The following CNTNAP2 variants were observed in gnomAD, a reference collection of about 807,000 sequenced individuals.
CNTNAP2 encodes contactin-associated protein-like 2.
In CNTNAP2, 98 loss-of-function variants were observed where a neutral mutation model predicts 155.2. The observed-to-expected ratio is 0.63, with a 90% CI of 0.54 to 0.75. The LOEUF (loss-of-function observed/expected upper bound fraction) is 0.75. Ranked by LOEUF, CNTNAP2 falls within the 30% of genes least tolerant of loss-of-function variation. CNTNAP2 has a pLI of 0.00. For synonymous variants in CNTNAP2, 651 were observed against 631.2 expected, an observed-to-expected ratio of 1.03 and a Z score of -0.47; for missense variants, 1,727 against 1,688.1, an observed-to-expected ratio of 1.02 and a Z score of -0.40.
At chr7:146,474,307 T>C (rs1045537493) in intron 1 of CNTNAP2, among the ~76,000 whole-genome samples, 3 of 149,298 alleles carry the variant, frequency 2.0e-5, no homozygotes, top group African/African-American at 7.3e-5. Flanking sequence ...TATAAATATA[T>C]ATTTCATTTT....
At chr7:146,903,767 G>T (rs1329457277) in intron 3 of CNTNAP2, among the ~76,000 whole-genome samples, 1 of 152,164 alleles carries the variant, frequency 6.6e-6, no homozygotes, top group African/African-American at 2.4e-5. Context: ...CAAAGATTCA[G>T]CTAGACTGGG....
chr7:147,250,666 C>G (rs1485776631), intron 8 of CNTNAP2, among the ~76,000 whole-genome samples: 1 of 151,932 alleles, frequency 6.6e-6, no homozygotes, highest in African/African-American at 2.4e-5. Context: ...TGTGTCTGGC[C>G]TGAAGGTGAT....
At chr7:147,654,252 A>T (rs532994792) in intron 13 of CNTNAP2, among the ~76,000 whole-genome samples, 10 of 152,360 alleles carry the variant, frequency 6.6e-5, no homozygotes, top group Non-Finnish European at 1.5e-4. Flanking sequence ...CAAAAGGTAG[A>T]TTAATATAGT....
At chr7:147,268,491 T>C (rs1804667731) in intron 8 of CNTNAP2, among the ~76,000 whole-genome samples, 1 of 152,154 alleles carries the variant, frequency 6.6e-6, no homozygotes, top group South Asian at 2.1e-4. Context: ...GAGGGGAACA[T>C]CATACACCGG....
chr7:147,371,986 T>C lies in CNTNAP2; in HGVS notation c.1499-23623T>C, dbSNP rs187897234. Among the ~76,000 whole-genome samples the C allele has an allele frequency of 2.6e-5, 4 of 152,180 alleles. No individual in the cohort carries two copies. In the East Asian group the frequency reaches 7.7e-4, roughly 29 times the overall value. On this transcript the variant is annotated intron_variant, in intron 9 of 23. Coordinates refer to ENST00000361727, the MANE Select transcript of CNTNAP2 (RefSeq NM_014141.6). ...GTTTCACAGTAGAGTTTCCAGTAGA[T>C]GACAAGTACGGTAGCCACCACAAAG... is the stretch of plus-strand genomic sequence containing the variant.
chr7:147,252,719 T>G (rs1804226816), intron 8 of CNTNAP2, among the ~76,000 whole-genome samples: 1 of 152,232 alleles, frequency 6.6e-6, no homozygotes, highest in African/African-American at 2.4e-5. Context: ...GTAGATTGAT[T>G]TATTCTGTCA....
intron 3 of CNTNAP2, among the ~76,000 whole-genome samples, chr7:146,860,526 A>C (rs1366174074): frequency 6.6e-6 from 1 of 152,208 alleles, no homozygotes; most frequent in African/African-American, 2.4e-5. Context: ...CAGCCCCTGC[A>C]GTTCAATAAG....
chr7:148,050,115 G>A (rs1481445695), intron 15 of CNTNAP2, among the ~76,000 whole-genome samples: 4 of 152,110 alleles, frequency 2.6e-5, no homozygotes, highest in East Asian at 3.9e-4. Flanking sequence ...AGCCAAGATC[G>A]CGCCACTGCA....
At chr7:146,924,066 A>G (rs989756168) in intron 3 of CNTNAP2, among the ~76,000 whole-genome samples, 3 of 152,002 alleles carry the variant, frequency 2.0e-5, no homozygotes, top group Non-Finnish European at 4.4e-5. Flanking sequence ...TTCTTGGAAT[A>G]AATTATAGAA....
intron 4 of CNTNAP2, among the ~76,000 whole-genome samples, chr7:147,086,542 A>G (rs1388665642): frequency 6.6e-6 from 1 of 151,974 alleles, no homozygotes. Context: ...CTCAGTCAGT[A>G]ATCCCACCTC....
At chr7:148,279,427 G>A (rs936533473) in intron 21 of CNTNAP2, among the ~76,000 whole-genome samples, 3 of 152,214 alleles carry the variant, frequency 2.0e-5, no homozygotes, top group Non-Finnish European at 4.4e-5. Flanking sequence ...AAGTCAAAGA[G>A]CGTTTCCCAA....
chr7:148,032,394 A>G (rs571600704), intron 15 of CNTNAP2, among the ~76,000 whole-genome samples: 2 of 152,248 alleles, frequency 1.3e-5, no homozygotes, highest in South Asian at 4.1e-4. Context: ...GCAACTCTGC[A>G]TGTGGTTGGT....
chr7:146,582,559 C>G (rs1798627562), intron 1 of CNTNAP2, among the ~76,000 whole-genome samples: 1 of 152,110 alleles, frequency 6.6e-6, no homozygotes, highest in Non-Finnish European at 1.5e-5. Flanking sequence ...GTCACAAGGT[C>G]AGACACTTGG....
chr7:146,311,535 C>T (rs186794107), intron 1 of CNTNAP2, among the ~76,000 whole-genome samples: 89 of 138,044 alleles, frequency 6.4e-4, no homozygotes, highest in African/African-American at 2.3e-3. Context: ...CCTTGGGAAG[C>T]GGAGGCTGGA....
chr7:147,186,525 A>G (rs1415408853), intron 8 of CNTNAP2, among the ~76,000 whole-genome samples: 1 of 152,108 alleles, frequency 6.6e-6, no homozygotes, highest in Non-Finnish European at 1.5e-5. Context: ...TCCTTTAACC[A>G]TTACACTGTC....
chr7:146,978,710 T>C (rs1797958515), intron 3 of CNTNAP2, among the ~76,000 whole-genome samples: 1 of 151,052 alleles, frequency 6.6e-6, no homozygotes, highest in Non-Finnish European at 1.5e-5. Context: ...CATATATATA[T>C]AATATATATA....
At chr7:147,071,886 A>T (rs145508926) in intron 4 of CNTNAP2, among the ~76,000 whole-genome samples, 1 of 152,236 alleles carries the variant, frequency 6.6e-6, no homozygotes, top group Non-Finnish European at 1.5e-5. Flanking sequence ...TGATTCAGTA[A>T]CAATGACTAA....
At chr7:147,475,952 A>C (rs967759272) in intron 10 of CNTNAP2, among the ~76,000 whole-genome samples, 1 of 152,056 alleles carries the variant, frequency 6.6e-6, no homozygotes, top group Non-Finnish European at 1.5e-5. Context: ...ATTCTATTCT[A>C]TTGATCTATC....
At chr7:148,368,653 G>A (rs918848653) in intron 21 of CNTNAP2, among the ~76,000 whole-genome samples, 1 of 152,176 alleles carries the variant, frequency 6.6e-6, no homozygotes, top group African/African-American at 2.4e-5. Context: ...TCAGCCGGGA[G>A]CATCGGCAAG....
Sources: allele counts gnomAD v4.1 joint callset (sites outside exome capture counted in the v4.1 genomes callset), GRCh38; gene constraint gnomAD v4.1.1; transcripts MANE v1.5; gene names NCBI Gene and HGNC (gene_info 2026-07-23, HGNC 2026-07-21).